BANP: variants seen among roughly 807,000 people sequenced by gnomAD.
BANP encodes the protein protein BANP.
BANP carries 11 observed loss-of-function variants against 68.1 expected under a neutral mutation model. The observed-to-expected ratio is 0.16, with a 90% CI of 0.10 to 0.27. BANP has a LOEUF of 0.27. BANP is among the 10% of genes least tolerant of loss of function. BANP has a pLI of 1.00. For synonymous variants in BANP, 329 were observed against 303.2 expected (o/e 1.09, Z -0.88); for missense variants, 504 against 722.7 (o/e 0.70, Z 3.47).
Position 87,961,416 on chromosome 16 carries a change from C to T in BANP, c.-69+9901C>T, listed in dbSNP as rs145741689. Among the ~76,000 whole-genome samples, 107 of 146,386 alleles carry T rather than the reference C, an allele frequency of 7.3e-4. 4 individuals carry two copies. The highest frequency in any genetic ancestry group is 1.3e-3 in the Non-Finnish European group (84 of 64,316). On this transcript the variant is annotated intron_variant, in intron 1 of 13. Transcript: ENST00000682872. ...TGGACTCACAGAATCTGCACCCCCCCGGGCCTCCCAAAGTGCTGGGATTAC... is the reference window on the plus strand; with the variant it reads ...TGGACTCACAGAATCTGCACCCCCCTGGGCCTCCCAAAGTGCTGGGATTAC...
chr16:88,073,505 T>C (rs561131958), intron 13 of BANP, among the ~76,000 whole-genome samples: 1 of 152,200 alleles, frequency 6.6e-6, no homozygotes, highest in Admixed American at 6.5e-5. Context: ...GGAGATGCGC[T>C]GGAAGCACGG....
intron 11 of BANP, among the ~76,000 whole-genome samples, chr16:88,063,506 C>CAG (rs1165360734): frequency 6.6e-6 from 1 of 152,266 alleles, no homozygotes; most frequent in East Asian, 1.9e-4. Context: ...CCTGGACTCT[C>CAG]AGCCCGTCTG....
chr16:88,013,616 C>T (rs2073792347), intron 6 of BANP, among the ~76,000 whole-genome samples: 1 of 152,236 alleles, frequency 6.6e-6, no homozygotes, highest in African/African-American at 2.4e-5. Flanking sequence ...CCCGTCAGAG[C>T]TCAGCAGGAC....
chr16:87,976,813 G>A (rs2062233574), intron 2 of BANP, among the ~76,000 whole-genome samples: 1 of 152,178 alleles, frequency 6.6e-6, no homozygotes, highest in South Asian at 2.1e-4. Context: ...TTTCAGGAGT[G>A]CTGCTGGTTA....
chr16:88,057,769 G>A lies in BANP; in HGVS notation c.1312-7498G>A, dbSNP rs530568221. Among the ~76,000 whole-genome samples, 18 of 150,262 alleles carry A rather than the reference G, an allele frequency of 1.2e-4. No individual in the cohort carries two copies. The highest frequency in any genetic ancestry group is 2.5e-4 in the Non-Finnish European group (17 of 67,690). ...CTGGGTGGGGCGGGGGGGGGGGTGC[G>A]TGCAGTGACTCGCGCTGGCCCTGTC... is the stretch of plus-strand genomic sequence containing the variant. On this transcript the variant is annotated intron_variant, in intron 11 of 13. Transcript: ENST00000682872. This position sits in a 1 kb window ranked among gnomAD's most constrained non-coding sequence, Gnocchi z 4.6.
intron 10 of BANP, chr16:88,037,499 G>A (rs142580391): frequency 2.5e-5 from 4 of 157,836 alleles, no homozygotes; most frequent in African/African-American, 9.6e-5. Flanking sequence ...AAATGAAAAT[G>A]AATTTCTAAC....
At chr16:88,014,062 G>T (rs1473131763) in intron 6 of BANP, among the ~76,000 whole-genome samples, 1 of 152,218 alleles carries the variant, frequency 6.6e-6, no homozygotes, top group Non-Finnish European at 1.5e-5. Flanking sequence ...GGGAGGACAG[G>T]CCAGGTGGCC....
At chr16:87,965,039 G>A (rs999114338) in intron 1 of BANP, among the ~76,000 whole-genome samples, 2 of 152,170 alleles carry the variant, frequency 1.3e-5, no homozygotes, top group Non-Finnish European at 2.9e-5. Context: ...GCGTGGAGAT[G>A]TATCTGAAGC....
At chr16:88,059,000 C>T (rs1242429683) in intron 11 of BANP, among the ~76,000 whole-genome samples, 1 of 152,026 alleles carries the variant, frequency 6.6e-6, no homozygotes, top group Non-Finnish European at 1.5e-5. Flanking sequence ...AGTGGTGTCC[C>T]TCACGCCCAG....
chr16:87,988,444 T>A (rs1423467826), intron 4 of BANP, among the ~76,000 whole-genome samples: 1 of 151,714 alleles, frequency 6.6e-6, no homozygotes, highest in African/African-American at 2.4e-5. Flanking sequence ...TTTTTTTTTT[T>A]AAATTAGAGA....
chr16:88,072,121 C>T lies in BANP; in HGVS notation c.1430C>T (p.Ala477Val), dbSNP rs747551259. Residue 477 changes from alanine (A) to valine (V), a missense_variant, in exon 13 of 14, where the codon GCG becomes GTG. By Grantham distance (64) the Ala-to-Val change is moderately conservative (BLOSUM62 0). Around this residue, in one of 3 missense-constraint regions of BANP, gnomAD observed 223 missense variants for 246.2 expected, o/e 0.91. Transcript: ENST00000682872. ...IAVASSDPAA[A>V]GVDGSPLQGS... ...GTGGCCTCCTCGGACCCCGCGGCGG[C>T]GGGCGTGGATGGGTCGCCACTCCAG... 58 of 1,607,596 alleles carry T rather than the reference C, an allele frequency of 3.6e-5. No homozygotes were observed. The highest frequency in any genetic ancestry group is 2.8e-4 in the South Asian group (25 of 90,222).
At chr16:87,962,474 G>A (rs2059365876) in intron 1 of BANP, among the ~76,000 whole-genome samples, 1 of 152,142 alleles carries the variant, frequency 6.6e-6, no homozygotes, top group Non-Finnish European at 1.5e-5. Flanking sequence ...AGGACCCTCA[G>A]TAGCTTTAGA....
chr16:87,987,487 G>T (rs1176827874), intron 4 of BANP, among the ~76,000 whole-genome samples: 6 of 151,940 alleles, frequency 3.9e-5, no homozygotes, highest in Admixed American at 3.9e-4. Context: ...ACTTTGGAAG[G>T]CCAAGATGGA....
chr16:87,972,768 A>G (rs1464268594), intron 1 of BANP, among the ~76,000 whole-genome samples: 2 of 151,908 alleles, frequency 1.3e-5, no homozygotes, highest in Non-Finnish European at 2.9e-5. Context: ...CTTTGTCTCT[A>G]GTTTCCGTGC....
chr16:88,031,069 G>A (rs1267109530), intron 8 of BANP, among the ~76,000 whole-genome samples: 1 of 152,218 alleles, frequency 6.6e-6, no homozygotes, highest in African/African-American at 2.4e-5. Context: ...TTTCTTCCTG[G>A]GGTGCACAAG....
intron 11 of BANP, among the ~76,000 whole-genome samples, chr16:88,056,196 C>T (rs529394580): frequency 6.6e-6 from 1 of 152,236 alleles, no homozygotes; most frequent in African/African-American, 2.4e-5. Context: ...GCAGAGTGTT[C>T]TGAGAGTGTG....
At chr16:88,055,080 AGTAC>A (rs1276883634) in intron 11 of BANP, among the ~76,000 whole-genome samples, 4 of 151,838 alleles carry the variant, frequency 2.6e-5, no homozygotes, top group African/African-American at 9.7e-5. Context: ...TACTGTTTCT[AGTAC>A]GTGTGTATTT....
At chr16:88,046,437 C>G (rs779760234) in intron 11 of BANP, among the ~76,000 whole-genome samples, 3 of 152,214 alleles carry the variant, frequency 2.0e-5, no homozygotes, top group Admixed American at 6.5e-5. Flanking sequence ...AAGAAATACT[C>G]AGCATAACGT....
chr16:88,036,447 G>A lies in BANP; in HGVS notation c.1272+1053G>A, dbSNP rs2079382146. On this transcript the variant is annotated intron_variant, in intron 10 of 13. Coordinates refer to ENST00000682872, the MANE Select transcript of BANP (RefSeq NM_001386991.1). This position sits in a 1 kb window ranked among gnomAD's most constrained non-coding sequence, Gnocchi z 4.2. ...CCCTGCCATCGGGGACTCACAGCGGGCGCAGAGCCTCCTGCCCAAGTGCCC... is the reference window on the plus strand; with the variant it reads ...CCCTGCCATCGGGGACTCACAGCGGACGCAGAGCCTCCTGCCCAAGTGCCC... Among the ~76,000 whole-genome samples the A allele has an allele frequency of 6.6e-6, 1 of 152,152 alleles. No homozygotes were observed. The highest frequency in any genetic ancestry group is 2.4e-5 in the African/African-American group (1 of 41,422).
Sources: allele counts gnomAD v4.1 joint callset (sites outside exome capture counted in the v4.1 genomes callset), GRCh38; gene constraint gnomAD v4.1.1; regional missense constraint gnomAD v4.1.1; non-coding constraint Gnocchi (gnomAD v3.1); transcripts MANE v1.5; gene names NCBI Gene and HGNC (gene_info 2026-07-23, HGNC 2026-07-21).